The following ATP11B variants were observed in gnomAD, a reference collection of about 807,000 sequenced individuals.
ATP11B encodes phospholipid-transporting ATPase IF.
In ATP11B, 81 loss-of-function variants were observed where a neutral mutation model predicts 157.8. That is an observed-to-expected ratio of 0.51 (90% CI 0.43 to 0.62). The LOEUF is 0.62. ATP11B is among the 20% of genes least tolerant of loss of function. The pLI is 0.00. For synonymous variants in ATP11B, 451 were observed against 469.4 expected (o/e 0.96, Z 0.51); for missense variants, 1,165 against 1,402.2 (o/e 0.83, Z 2.70).
intron 6 of ATP11B, 122 bp from the exon 7 acceptor site, chr3:182,836,949 C>T (rs1718599589): frequency 3.0e-6 from 2 of 670,034 alleles, no homozygotes; most frequent in Non-Finnish European, 5.2e-6. Context: ...CTTCTGTTGT[C>T]TAGCTGAGTG....
intron 1 of ATP11B, among the ~76,000 whole-genome samples, chr3:182,805,506 A>G (rs1272290195): frequency 6.6e-6 from 1 of 151,462 alleles, no homozygotes; most frequent in East Asian, 1.9e-4. Flanking sequence ...CCAGGCTGGA[A>G]TGCAATGGCA....
chr3:182,823,920 C>T (rs1378593306), intron 2 of ATP11B, among the ~76,000 whole-genome samples: 1 of 151,864 alleles, frequency 6.6e-6, no homozygotes, highest in African/African-American at 2.4e-5. Context: ...ATCTGACCAC[C>T]GCCATAATCA....
chr3:182,816,549 G>T (rs554716699), intron 1 of ATP11B, among the ~76,000 whole-genome samples: 1 of 152,130 alleles, frequency 6.6e-6, no homozygotes, highest in Admixed American at 6.5e-5. Context: ...CATACTAAAC[G>T]TGTAGTTACA....
intron 1 of ATP11B, among the ~76,000 whole-genome samples, chr3:182,797,598 C>T (rs1247722386): frequency 6.6e-6 from 1 of 152,004 alleles, no homozygotes; most frequent in Non-Finnish European, 1.5e-5. Flanking sequence ...ATCCCAGCTA[C>T]TCAGGAGGCT....
At chr3:182,830,853 T>A (rs1718078550) in intron 4 of ATP11B, among the ~76,000 whole-genome samples, 1 of 152,228 alleles carries the variant, frequency 6.6e-6, no homozygotes, top group Non-Finnish European at 1.5e-5. Context: ...TTAAAATGTG[T>A]GTATATCAGT....
Position 182,897,287 on chromosome 3 carries a change from A to T in ATP11B, c.3049-16A>T. On this transcript the variant is annotated splice_polypyrimidine_tract_variant and intron_variant, in intron 26 of 29. Transcript: ENST00000323116. Reference sequence around the variant, plus strand: ...TATTTGTTTATATTTCTAAGGATATAAAAACTTTTTTTTAGATGGCTCTGG... The same window carrying T: ...TATTTGTTTATATTTCTAAGGATATTAAAACTTTTTTTTAGATGGCTCTGG... 6.7e-7 allele frequency: 1 copy of T among 1,489,358 alleles called. No homozygotes were observed. The highest frequency in any genetic ancestry group is 1.3e-5 in the South Asian group (1 of 77,554). 92.3% of individuals were successfully genotyped at this position (1,489,358 alleles called of 1,614,324 possible).
chr3:182,868,127 A>G (rs1273630177), intron 15 of ATP11B, among the ~76,000 whole-genome samples: 1 of 152,032 alleles, frequency 6.6e-6, no homozygotes, highest in African/African-American at 2.4e-5. Context: ...GCTTCTGGGT[A>G]GTGAGTTTTA....
In ATP11B at chr3:182,859,313, A is replaced by G. The variant is rs1326840526; in HGVS notation, c.1154A>G (p.Gln385Arg). ...DLDLYHEESD[Q>R]KAQVNTSDLN... ...GATCTGTATCATGAAGAATCAGATC[A>G]GAAAGCTCAAGTCAATACTTCCGAT... Residue 385 changes from glutamine to arginine, a missense_variant, in exon 12 of 30, where the codon CAG (glutamine) becomes CGG (arginine). Around this residue, in one of 4 missense-constraint regions of ATP11B, gnomAD observed 737 missense variants for 930.5 expected, o/e 0.79. Coordinates refer to ENST00000323116, the MANE Select transcript of ATP11B (RefSeq NM_014616.3). 1 of 1,610,162 alleles carries G rather than the reference A, an allele frequency of 6.2e-7. No homozygotes were observed. Among genetic ancestry groups the G allele is most frequent in the South Asian group, 1.1e-5 (1 of 90,364 alleles).
At chr3:182,858,384 AT>A (rs1720587426) in intron 11 of ATP11B, among the ~76,000 whole-genome samples, 1 of 152,190 alleles carries the variant, frequency 6.6e-6, no homozygotes, top group Admixed American at 6.5e-5. Context: ...TGTATTTTTA[AT>A]TTTGTCTTAA....
intron 28 of ATP11B, among the ~76,000 whole-genome samples, chr3:182,910,073 GA>G (rs34483660): frequency 0.23 from 14,320 of 63,054 alleles, 1,030 homozygotes; most frequent in African/African-American, 0.27. Flanking sequence ...TCGGCCTCCA[GA>G]AAAAAAAAAA....
intron 29 of ATP11B, chr3:182,914,678 A>G: frequency 1.0e-6 from 1 of 985,378 alleles, no homozygotes; most frequent in Non-Finnish European, 1.2e-6. Flanking sequence ...CTTGAATGAG[A>G]TTTATCACCA....
chr3:182,826,207 G>T (rs1284907025), intron 2 of ATP11B, among the ~76,000 whole-genome samples: 1 of 152,142 alleles, frequency 6.6e-6, no homozygotes, highest in Admixed American at 6.5e-5. Flanking sequence ...AGAAAAACTA[G>T]AAACAATTTC....
intron 2 of ATP11B, among the ~76,000 whole-genome samples, chr3:182,823,343 T>C (rs1009790367): frequency 3.9e-5 from 6 of 152,188 alleles, no homozygotes; most frequent in African/African-American, 1.4e-4. Context: ...GGCTAGCCGG[T>C]TTTCCCAGCA....
intron 6 of ATP11B, among the ~76,000 whole-genome samples, 187 bp from the exon 7 acceptor site, chr3:182,836,884 A>G (rs1335427759): frequency 6.6e-6 from 1 of 152,172 alleles, no homozygotes; most frequent in Non-Finnish European, 1.5e-5. Flanking sequence ...GCCTCTTTAG[A>G]CAGGTAATGA....
At chr3:182,881,110 A>G (rs1215031820) in intron 21 of ATP11B, 129 bp downstream of exon 21, 2 of 644,714 alleles carry the variant, frequency 3.1e-6, no homozygotes, top group African/African-American at 1.9e-5. Context: ...GCAACATGGT[A>G]ATAATATAGC....
rs571482204 is a variant in ATP11B at position 182,884,994 on chromosome 3, T to C, written c.2655+96T>C. ...CCTTATACATTTCTCTTTAAAATAG[T>C]TTCAATAAGTAAAAATAACAGTATT... On this transcript the variant is annotated intron_variant, in intron 22 of 29. Transcript: ENST00000323116. The C allele has an allele frequency of 2.4e-4, 171 of 716,360 alleles. No individual in the cohort carries two copies. The East Asian group carries it at 2.4e-3, about 10-fold the overall frequency. 44.4% of individuals were successfully genotyped at this position (716,360 alleles called of 1,614,324 possible).
At chr3:182,887,167 G>A (rs1242786996) in intron 23 of ATP11B, among the ~76,000 whole-genome samples, 4 of 152,172 alleles carry the variant, frequency 2.6e-5, no homozygotes, top group Non-Finnish European at 5.9e-5. Context: ...GTCTTGTTCA[G>A]TGCCTTAAAG....
chr3:182,823,929 C>G (rs1717545818), intron 2 of ATP11B, among the ~76,000 whole-genome samples: 1 of 151,938 alleles, frequency 6.6e-6, no homozygotes, highest in Admixed American at 6.6e-5. Context: ...CCGCCATAAT[C>G]AAGATGTGGA....
rs753624265 is a variant in ATP11B at position 182,913,881 on chromosome 3, T to A, written c.3339T>A (p.Gly1113=). Residue 1113 remains glycine (G), a synonymous_variant, in exon 29 of 30, where the codon GGT becomes GGA. Transcript: ENST00000323116. ...CGCAGCTTACTGAAACAAATGCAGG[T>A]ATCAAGTGCTTGGACTCCATGTGCT... ...EKAQLTETNA[G]IKCLDSMCCF... 6.0e-5 allele frequency: 97 copies of A among 1,614,012 alleles called. No individual in the cohort carries two copies. In the East Asian group the frequency reaches 2.1e-3, roughly 36 times the overall value.
Sources: gnomAD v4.1 joint callset for allele counts (sites outside exome capture counted in the v4.1 genomes callset) on GRCh38, gnomAD v4.1.1 for gene constraint, gnomAD v4.1.1 regional missense constraint, MANE v1.5 for transcripts, NCBI Gene and HGNC (gene_info 2026-07-23, HGNC 2026-07-21) for gene names.